The following ASXL2 variants were observed in gnomAD, a reference collection of about 807,000 sequenced individuals.
The protein encoded by ASXL2 is ASXL transcriptional regulator 2.
Under a neutral mutation model 122.0 loss-of-function variants are expected in ASXL2, and 23 were observed. That is an observed-to-expected ratio of 0.19 (90% CI 0.14 to 0.27). The LOEUF (loss-of-function observed/expected upper bound fraction) is 0.27. ASXL2 is among the 10% of genes least tolerant of loss of function. ASXL2 has a pLI of 1.00. For missense variants in ASXL2, 1,518 were observed against 1,713.8 expected (o/e 0.89, Z 2.02); for synonymous variants, 650 against 637.0 (o/e 1.02, Z -0.31).
At chr2:25,828,507 TC>T (rs2089405454) in intron 3 of ASXL2, among the ~76,000 whole-genome samples, 1 of 14,718 alleles carries the variant, frequency 6.8e-5, no homozygotes, top group African/African-American at 2.9e-4. Context: ...AAACTCCATT[TC>T]AAAAAAAAAA....
intron 8 of ASXL2, among the ~76,000 whole-genome samples, chr2:25,763,512 A>C (rs2088289395): frequency 6.6e-6 from 1 of 152,072 alleles, no homozygotes; most frequent in South Asian, 2.1e-4. Context: ...AGCTGATTTC[A>C]GATTAACAAG....
rs576688550 is a variant in ASXL2 at position 25,822,683 on chromosome 2, A to C, written c.143+12855T>G. The C allele has an allele frequency of 4.3e-5, 30 of 700,688 alleles. No homozygotes were observed. In the African/African-American group the frequency reaches 4.9e-4, roughly 11 times the overall value. 43.4% of individuals were successfully genotyped at this position (700,688 alleles called of 1,614,324 possible). On this transcript the variant is annotated intron_variant, in intron 3 of 12. Transcript: ENST00000435504. The stretch of plus-strand genomic sequence containing the variant: ...CAAGCATAAAAAAAACGGACAGATC[A>C]ATTGTATGTTGTTTACGAAAAGGAG...
intron 2 of ASXL2, among the ~76,000 whole-genome samples, chr2:25,840,408 T>G (rs1477821943): frequency 6.6e-6 from 1 of 152,170 alleles, no homozygotes; most frequent in African/African-American, 2.4e-5. Context: ...ATTTTAACCG[T>G]TTTTAATCAG....
rs958379562 is a variant in ASXL2 at position 25,739,804 on chromosome 2, CTTTCATCAA to C, written c.*2216_*2224del. 29 of 221,104 alleles carry C rather than the reference CTTTCATCAA, an allele frequency of 1.3e-4. No individual in the cohort carries two copies. Among genetic ancestry groups the C allele is most frequent in the African/African-American group, 6.5e-4 (29 of 44,646 alleles). 13.7% of individuals were successfully genotyped at this position (221,104 alleles called of 1,614,324 possible). ...GGAAAAAGGTAAAGCAGAAAAATCA[CTTTCATCAA>C]TCCAAACTGGTAACTGACATTTAGC... On this transcript the variant is annotated 3_prime_UTR_variant, in exon 13 of 13. Coordinates refer to ENST00000435504, the MANE Select transcript of ASXL2 (RefSeq NM_018263.6).
intron 2 of ASXL2, among the ~76,000 whole-genome samples, chr2:25,840,302 C>T (rs1173430842): frequency 6.6e-6 from 1 of 152,156 alleles, no homozygotes; most frequent in Admixed American, 6.5e-5. Context: ...CTTAAAGGGG[C>T]TAGTACCTGA....
chr2:25,784,242 C>T (rs961863754), intron 5 of ASXL2, among the ~76,000 whole-genome samples: 3 of 151,964 alleles, frequency 2.0e-5, no homozygotes, highest in African/African-American at 7.3e-5. Context: ...CAGAGTAAGA[C>T]CCTGTCTCCC....
At chr2:25,842,794 A>G (rs369182400) in intron 2 of ASXL2, among the ~76,000 whole-genome samples, 51 of 108,070 alleles carry the variant, frequency 4.7e-4, no homozygotes, top group African/African-American at 1.4e-3. Flanking sequence ...GTGTGTGTGT[A>G]TATATATATA....
At chr2:25,846,728 A>G (rs2089654589) in intron 1 of ASXL2, among the ~76,000 whole-genome samples, 1 of 152,232 alleles carries the variant, frequency 6.6e-6, no homozygotes, top group African/African-American at 2.4e-5. Flanking sequence ...AGATGTGAGA[A>G]TAGCTTGAAC....
intron 3 of ASXL2, 98 bp from the exon 4 acceptor site, chr2:25,806,435 C>A: frequency 1.4e-6 from 1 of 729,688 alleles, no homozygotes; most frequent in Non-Finnish European, 2.3e-6. Flanking sequence ...TTAGTCAATA[C>A]TCCTTTGACT....
chr2:25,773,608 G>A (rs900641802), intron 5 of ASXL2, among the ~76,000 whole-genome samples: 3 of 150,392 alleles, frequency 2.0e-5, no homozygotes, highest in African/African-American at 4.9e-5. Context: ...AGAGCTTGCA[G>A]TGAGCCGAGA....
At chr2:25,865,500 G>A (rs1168211871) in intron 1 of ASXL2, among the ~76,000 whole-genome samples, 3 of 151,584 alleles carry the variant, frequency 2.0e-5, no homozygotes, top group African/African-American at 4.8e-5. Flanking sequence ...GGGCGTGGTG[G>A]CTCACGCCTG....
chr2:25,814,692 A>C (rs891919885), intron 3 of ASXL2, among the ~76,000 whole-genome samples: 8 of 152,244 alleles, frequency 5.3e-5, no homozygotes, highest in African/African-American at 1.9e-4. Flanking sequence ...AGTGACTTTG[A>C]TCATATTGCC....
rs2088204858 is a variant in ASXL2 at position 25,759,630 on chromosome 2, G to A, written c.791C>T (p.Thr264Ile). The A allele has an allele frequency of 1.2e-6, 2 of 1,611,520 alleles. No homozygotes were observed. Among genetic ancestry groups the A allele is most frequent in the Non-Finnish European group, 1.7e-6 (2 of 1,178,212 alleles). Residue 264 changes from threonine (T) to isoleucine (I), a missense_variant, in exon 9 of 13, where the codon ACT (threonine) becomes ATT (isoleucine). Physicochemically the swap from Thr to Ile is moderately conservative, Grantham distance 89. Coordinates refer to ENST00000435504, the MANE Select transcript of ASXL2 (RefSeq NM_018263.6). ...ERLHTRQMKR[T>I]KCADIDVETP... ...CTCAACGTCAATGTCAGCACATTTAGTTCTTTTCATTTGTCCTACAAAAAC... is the reference window on the plus strand; with the variant it reads ...CTCAACGTCAATGTCAGCACATTTAATTCTTTTCATTTGTCCTACAAAAAC...
intron 2 of ASXL2, among the ~76,000 whole-genome samples, chr2:25,841,860 T>G (rs1265834070): frequency 6.7e-6 from 1 of 150,048 alleles, no homozygotes; most frequent in Non-Finnish European, 1.5e-5. Context: ...GGCAGGAGAA[T>G]GGCATGAACC....
intron 5 of ASXL2, among the ~76,000 whole-genome samples, chr2:25,795,979 T>C (rs2088906284): frequency 6.6e-6 from 1 of 152,192 alleles, no homozygotes. Context: ...GCACCCTCTT[T>C]GTCTTGCTTT....
At chr2:25,803,133 AAATGAATG>A (rs70950123) in intron 4 of ASXL2, among the ~76,000 whole-genome samples, 4,715 of 148,724 alleles carry the variant, frequency 0.032, 208 homozygotes, top group African/African-American at 0.1. Flanking sequence ...CTCCATCTCA[AAATGAATG>A]AATGAATGAA....
chr2:25,834,431 C>A (rs1341939035), intron 3 of ASXL2, among the ~76,000 whole-genome samples: 1 of 151,992 alleles, frequency 6.6e-6, no homozygotes. Flanking sequence ...CAAAATATAC[C>A]TATTTTATTT....
At chr2:25,828,822 C>G (rs1209543173) in intron 3 of ASXL2, among the ~76,000 whole-genome samples, 2 of 51,776 alleles carry the variant, frequency 3.9e-5, no homozygotes, top group Non-Finnish European at 7.9e-5. Context: ...GAGACTGTGT[C>G]TCAAAAAAAA....
chr2:25,842,740 ATATG>A (rs1382918760), intron 2 of ASXL2, among the ~76,000 whole-genome samples: 45 of 150,914 alleles, frequency 3.0e-4, no homozygotes, highest in Admixed American at 1.2e-3. Flanking sequence ...ATATCTATAT[ATATG>A]TATGTATGTG....
Sources: allele counts gnomAD v4.1 joint callset (sites outside exome capture counted in the v4.1 genomes callset), GRCh38; gene constraint gnomAD v4.1.1; transcripts MANE v1.5; gene names NCBI Gene and HGNC (gene_info 2026-07-23, HGNC 2026-07-21).